ZNF34: variants seen among roughly 807,000 people sequenced by gnomAD.
ZNF34 encodes zinc finger protein 34, also known as zinc finger protein 34 (KOX 32).
Under a neutral mutation model 14.4 loss-of-function variants are expected in ZNF34, and 8 were observed. The ratio of observed to expected loss-of-function variants is 0.55; its 90% CI spans 0.33 to 1.00. ZNF34 has a LOEUF of 1.00. ZNF34 is among the 50% of genes least tolerant of loss of function. The pLI is 0.03. For synonymous variants in ZNF34, 235 were observed against 247.9 expected (o/e 0.95, Z 0.49); for missense variants, 538 against 674.2 (o/e 0.80, Z 2.24).
rs1293264528 is a variant in ZNF34 at position 144,778,105 on chromosome 8, CA to C, written c.92del (p.Leu31ArgfsTer12). On this transcript the variant is annotated frameshift_variant, in exon 4 of 6. Transcript: ENST00000429371. LOFTEE classifies it high-confidence loss of function. ...TGTAGAGGCCCCTCTGAGCAGGGCC[CA>C]GGCGGCCCCATTCCTCCCGGGAGAG... ...VYLSREEWGR[L>X]GPAQRGLYRD... 1 of 1,613,910 alleles carries C rather than the reference CA, an allele frequency of 6.2e-7. No individual in the cohort carries two copies. Among genetic ancestry groups the C allele is most frequent in the Non-Finnish European group, 8.5e-7 (1 of 1,179,942 alleles).
Position 144,785,073 on chromosome 8 carries a change from T to C in ZNF34, c.-108+2206A>G, listed in dbSNP as rs139636512. Among the ~76,000 whole-genome samples, 16 of 127,486 alleles carry C rather than the reference T, an allele frequency of 1.3e-4. No individual in the cohort carries two copies. The East Asian group carries it at 3.6e-3, about 29-fold the overall frequency. The allele number at this position is 127,486 out of a possible 152,430, so 83.6% of individuals were successfully genotyped here. The stretch of plus-strand genomic sequence containing the variant: ...TGGAGGCTGCAGGGAGCCAAGATGG[T>C]GTCACTGCACTCCAGCCTTAGCCAG... On this transcript the variant is annotated intron_variant, in intron 1 of 5. Coordinates refer to ENST00000429371, the MANE Select transcript of ZNF34 (RefSeq NM_001286769.2).
At chr8:144,781,439 G>A (rs555861550) in intron 1 of ZNF34, among the ~76,000 whole-genome samples, 40 of 151,836 alleles carry the variant, frequency 2.6e-4, no homozygotes, top group Non-Finnish European at 5.3e-4. Context: ...TGTATTTTTA[G>A]TAGAGACGGA....
At chr8:144,785,547 A>C (rs984359230) in intron 1 of ZNF34, 2 of 152,234 alleles carry the variant, frequency 1.3e-5, no homozygotes, top group African/African-American at 4.8e-5. Context: ...GCGAGTGGCC[A>C]CTGCACTCTA....
rs759237384 is a variant in ZNF34 at position 144,778,075 on chromosome 8, G to A, written c.123C>T (p.Asp41=). The A allele has an allele frequency of 4.5e-5, 73 of 1,613,916 alleles. No individual in the cohort carries two copies. Among genetic ancestry groups the A allele is most frequent in the South Asian group, 4.1e-4 (37 of 91,094 alleles). Residue 41 remains aspartate (D), a synonymous_variant, in exon 4 of 6, where the codon GAC becomes GAT. Transcript: ENST00000429371. ...GGTTCCCGTAGGTCTCCAGCATCAC[G>A]TCCCTGTAGAGGCCCCTCTGAGCAG... ...LGPAQRGLYR[D]VMLETYGNLV... is the part of the protein sequence containing the mutation.
intron 1 of ZNF34, 71 bp from the exon 2 acceptor site, chr8:144,780,351 G>A (rs1825786072): frequency 8.8e-7 from 1 of 1,142,090 alleles, no homozygotes; most frequent in African/African-American, 1.5e-5. Flanking sequence ...AAATGAAGCT[G>A]TGGTAGCTAT....
At chr8:144,776,785 G>A (rs1414385759) in intron 5 of ZNF34, among the ~76,000 whole-genome samples, 2 of 151,462 alleles carry the variant, frequency 1.3e-5, no homozygotes, top group Non-Finnish European at 2.9e-5. Flanking sequence ...CACATGACAT[G>A]CCTGTGGTCC....
chr8:144,781,611 C>T, intron 1 of ZNF34, among the ~76,000 whole-genome samples: 1 of 150,704 alleles, frequency 6.6e-6, no homozygotes, highest in East Asian at 1.9e-4. Flanking sequence ...CAATCTCATG[C>T]TTAAAACATA....
intron 1 of ZNF34, among the ~76,000 whole-genome samples, chr8:144,782,396 AGGAGGATCACTTGAATTCG>A (rs1295901715): frequency 6.6e-6 from 1 of 151,924 alleles, no homozygotes; most frequent in Admixed American, 6.6e-5. Context: ...AGACTGGGGC[AGGAGGATCACTTGAATTCG>A]GGAGGTGGAG....
At position 144,778,446 on chromosome 8, in the gene ZNF34, G is replaced by T; in HGVS notation, c.26C>A (p.Pro9Gln). MAALFLSA[P>Q]PQAEVTFEDV... The stretch of plus-strand genomic sequence containing the variant: ...AGGAGGACAGACACTCACCTGGGGT[G>T]GGGCAGACAGGAACAAGGCCGCCAT... The change falls in exon 3 of 6, where the codon CCA becomes CAA. Residue 9 changes from proline to glutamine, a missense_variant. Pro to Gln is a moderately conservative substitution (Grantham distance 76). Around this residue, in one of 3 missense-constraint regions of ZNF34, gnomAD observed 431 missense variants for 525.7 expected, o/e 0.82. Transcript: ENST00000429371. 15 of 1,580,156 alleles carry T rather than the reference G, an allele frequency of 9.5e-6. No homozygotes were observed. Among genetic ancestry groups the T allele is most frequent in the Non-Finnish European group, 1.3e-5 (15 of 1,163,546 alleles).
Position 144,773,538 on chromosome 8 carries a change from C to G in ZNF34, c.1348G>C (p.Gly450Arg). 1 of 1,614,216 alleles carries G rather than the reference C, an allele frequency of 6.2e-7. No individual in the cohort carries two copies. The change falls in exon 6 of 6, where the codon GGA (glycine) becomes CGA (arginine). Residue 450 changes from glycine (G) to arginine (R), a missense_variant. By Grantham distance (125) the Gly-to-Arg change is moderately radical. This residue lies in a region of ZNF34 where 101 missense variants were observed against 123.1 expected (regional missense o/e 0.82). Transcript: ENST00000429371. The surrounding 1 kb of genome is among the most constrained non-coding windows in gnomAD (Gnocchi z 5.4). Reference protein sequence around the residue: ...HLIQHQRIHTGEKPYKCSECG... With the variant: ...HLIQHQRIHTREKPYKCSECG... ...TCGCTGCACTTGTAGGGCTTCTCTCCTGTGTGGATTCTCTGGTGCTGGATG... is the reference window on the plus strand; with the variant it reads ...TCGCTGCACTTGTAGGGCTTCTCTCGTGTGTGGATTCTCTGGTGCTGGATG...
intron 3 of ZNF34, 131 bp downstream of exon 3, chr8:144,778,308 G>A (rs899563585): frequency 7.2e-7 from 1 of 1,387,478 alleles, no homozygotes; most frequent in Non-Finnish European, 9.7e-7. Context: ...CATCCCAAGG[G>A]GTGGCTGCAT....
At position 144,777,440 on chromosome 8, in the gene ZNF34, G is replaced by A. The variant is rs1012537737; in HGVS notation, c.280+18C>T. 1 of 1,550,730 alleles carries A rather than the reference G, an allele frequency of 6.4e-7. No homozygotes were observed. The highest frequency in any genetic ancestry group is 1.7e-4 in the Middle Eastern group (1 of 5,924). The stretch of plus-strand genomic sequence containing the variant: ...CTCGTTCGGTGACTTGAGTTGGGGA[G>A]CAGATCCCCTCACGCACCTGGGCTG... On this transcript the variant is annotated intron_variant, in intron 5 of 5. Coordinates refer to ENST00000429371, the MANE Select transcript of ZNF34 (RefSeq NM_001286769.2). This position sits in a 1 kb window ranked among gnomAD's most constrained non-coding sequence, Gnocchi z 4.8.
chr8:144,787,050 A>T (rs926748645), intron 1 of ZNF34, among the ~76,000 whole-genome samples: 3 of 152,102 alleles, frequency 2.0e-5, no homozygotes, highest in African/African-American at 7.2e-5. Context: ...TCGAGAGCGG[A>T]AGGAGCCCCG....
At chr8:144,781,521 G>C (rs1013057827) in intron 1 of ZNF34, among the ~76,000 whole-genome samples, 1 of 152,066 alleles carries the variant, frequency 6.6e-6, no homozygotes, top group African/African-American at 2.4e-5. Flanking sequence ...CTCCCAAAGT[G>C]CTGGGATTAC....
chr8:144,776,738 C>T (rs1268088577), intron 5 of ZNF34, among the ~76,000 whole-genome samples: 15 of 151,952 alleles, frequency 9.9e-5, no homozygotes, highest in Non-Finnish European at 1.5e-4. Context: ...AGTGAAACCT[C>T]GTCTCTGTAA....
At chr8:144,785,979 G>GTTTTT (rs35149527) in intron 1 of ZNF34, among the ~76,000 whole-genome samples, 5 of 99,282 alleles carry the variant, frequency 5.0e-5, no homozygotes, top group Admixed American at 1.1e-4. Flanking sequence ...TACATAGGTA[G>GTTTTT]TTTTTTTTTT....
intron 1 of ZNF34, among the ~76,000 whole-genome samples, chr8:144,780,961 T>C (rs1047321623): frequency 6.7e-6 from 1 of 148,964 alleles, no homozygotes; most frequent in Non-Finnish European, 1.5e-5. Flanking sequence ...GGTGAAACCC[T>C]GTCTCTACCG....
In ZNF34 at chr8:144,783,414, C is replaced by T. The variant is rs114702769; in HGVS notation, c.-107-3134G>A. Among the ~76,000 whole-genome samples, 1,500 of 152,144 alleles carry T rather than the reference C, an allele frequency of 9.9e-3. 25 individuals are homozygous for T. The highest frequency in any genetic ancestry group is 0.035 in the African/African-American group (1,439 of 41,508). ...AAAAAGAAATATAAGCTACAAGGAT[C>T]AGAAGAAAAAAGACAAAATCATCAT... On this transcript the variant is annotated intron_variant, in intron 1 of 5. Transcript: ENST00000429371.
chr8:144,780,839 A>G (rs960634575), intron 1 of ZNF34, among the ~76,000 whole-genome samples: 1 of 151,510 alleles, frequency 6.6e-6, no homozygotes, highest in Non-Finnish European at 1.5e-5. Flanking sequence ...GAATAAAAAA[A>G]ACACTGCATA....
Sources: gnomAD v4.1 joint callset for allele counts (sites outside exome capture counted in the v4.1 genomes callset) on GRCh38, gnomAD v4.1.1 for gene constraint, gnomAD v4.1.1 regional missense constraint, Gnocchi (gnomAD v3.1) non-coding constraint, MANE v1.5 for transcripts, NCBI Gene and HGNC (gene_info 2026-07-23, HGNC 2026-07-21) for gene names.